The following KIAA1217 variants were observed in gnomAD, a reference collection of about 807,000 sequenced individuals.
KIAA1217 encodes sickle tail protein homolog.
KIAA1217 carries 88 observed loss-of-function variants against 163.9 expected under a neutral mutation model. The observed-to-expected ratio is 0.54, with a 90% CI of 0.45 to 0.64. KIAA1217 has a LOEUF of 0.64. Among genes scored for constraint, KIAA1217 ranks in the 30% least tolerant of loss-of-function variants. KIAA1217 has a pLI of 0.00. For synonymous variants in KIAA1217, 903 were observed against 923.1 expected (o/e 0.98, Z 0.39); for missense variants, 2,372 against 2,475.0 (o/e 0.96, Z 0.88).
intron 1 of KIAA1217, among the ~76,000 whole-genome samples, chr10:23,721,107 C>T (rs79434031): frequency 0.027 from 4,094 of 152,252 alleles, 91 homozygotes; most frequent in Admixed American, 0.075. Context: ...TTTTAGAATA[C>T]GACATGTGAG....
intron 6 of KIAA1217, among the ~76,000 whole-genome samples, chr10:24,483,327 G>A (rs868537057): frequency 6.6e-6 from 1 of 152,132 alleles, no homozygotes; most frequent in Non-Finnish European, 1.5e-5. Context: ...ACTTGCTACA[G>A]TGGTCTCCCA....
chr10:24,466,603 G>A (rs2062971771), intron 5 of KIAA1217: 1 of 985,268 alleles, frequency 1.0e-6, no homozygotes, highest in Non-Finnish European at 1.2e-6. Context: ...CACTCGAGCT[G>A]AGAAACATTT....
intron 2 of KIAA1217, among the ~76,000 whole-genome samples, chr10:24,135,405 G>C (rs557840161): frequency 6.6e-6 from 1 of 151,950 alleles, no homozygotes; most frequent in Non-Finnish European, 1.5e-5. Context: ...TGCCAGTTCC[G>C]TCTCTGCTTG....
intron 1 of KIAA1217, among the ~76,000 whole-genome samples, chr10:23,760,627 A>T (rs1834211083): frequency 6.6e-6 from 1 of 152,204 alleles, no homozygotes; most frequent in African/African-American, 2.4e-5. Flanking sequence ...GAATGATTTT[A>T]AAAATGAATC....
In KIAA1217 at chr10:24,211,361, C is replaced by CTCTT. The variant is rs1375635189; in HGVS notation, c.70+2099_70+2100insCTTT. Among the ~76,000 whole-genome samples, 16 of 60,200 alleles carry CTCTT rather than the reference C, an allele frequency of 2.7e-4. 1 individual carries two copies. Among genetic ancestry groups the CTCTT allele is most frequent in the African/African-American group, 1.0e-3 (16 of 15,334 alleles). The allele number at this position is 60,200 out of a possible 152,430, so 39.5% of individuals were successfully genotyped here. On this transcript the variant is annotated intron_variant, in intron 1 of 20. Coordinates refer to ENST00000376454, the MANE Select transcript of KIAA1217 (RefSeq NM_019590.5). Reference sequence around the variant, plus strand: ...GGGAATCTCCTGGCAGGTGGGACTACTTTTTTTTTTTTTTTTTTTTTTTTT... The same window carrying CTCTT: ...GGGAATCTCCTGGCAGGTGGGACTACTCTTTTTTTTTTTTTTTTTTTTTTTTTTT...
intron 2 of KIAA1217, among the ~76,000 whole-genome samples, chr10:24,378,993 A>T (rs1346181397): frequency 6.6e-6 from 1 of 152,244 alleles, no homozygotes; most frequent in South Asian, 2.1e-4. Context: ...GCAATGGAAA[A>T]TGACAACTCA....
chr10:24,094,504 C>G (rs1032493488), intron 2 of KIAA1217, among the ~76,000 whole-genome samples: 2 of 152,192 alleles, frequency 1.3e-5, no homozygotes, highest in Non-Finnish European at 2.9e-5. Flanking sequence ...CACTCCAGAC[C>G]CTGTTTGCCT....
chr10:24,219,894 G>A lies in KIAA1217; in HGVS notation c.339G>A (p.Glu113=), dbSNP rs2069339420. ...HHASAIMGHQ[E]RLRDQTRSPK... ...CCTCTGCAATCATGGGTCACCAAGA[G>A]AGGCTGAGAGACCAGGTACGAATAT... Residue 113 remains glutamate, a synonymous_variant, in exon 2 of 21, where the codon GAG becomes GAA. Transcript: ENST00000376454. 6.2e-7 allele frequency: 1 copy of A among 1,601,010 alleles called. No homozygotes were observed. Among genetic ancestry groups the A allele is most frequent in the Non-Finnish European group, 8.5e-7 (1 of 1,173,306 alleles).
intron 1 of KIAA1217, among the ~76,000 whole-genome samples, chr10:23,812,511 A>G (rs1323392013): frequency 6.6e-6 from 1 of 152,200 alleles, no homozygotes; most frequent in Admixed American, 6.5e-5. Context: ...TAAAAAAGCT[A>G]GCTCTATTGA....
chr10:23,909,654 T>C (rs1842345635), intron 1 of KIAA1217, among the ~76,000 whole-genome samples: 1 of 152,170 alleles, frequency 6.6e-6, no homozygotes, highest in Non-Finnish European at 1.5e-5. Context: ...TAGTATTCCA[T>C]GGTGTATATG....
At chr10:23,910,301 A>AAAAAG (rs770271682) in intron 1 of KIAA1217, among the ~76,000 whole-genome samples, 1 of 152,132 alleles carries the variant, frequency 6.6e-6, no homozygotes, top group Admixed American at 6.5e-5. Flanking sequence ...AGTATAAAAA[A>AAAAAG]AAAAGAAAAG....
chr10:24,423,548 C>T (rs1469465614), intron 3 of KIAA1217, among the ~76,000 whole-genome samples: 1 of 152,174 alleles, frequency 6.6e-6, no homozygotes, highest in Non-Finnish European at 1.5e-5. Flanking sequence ...CAACCTCTGC[C>T]TCCCAGGTTC....
rs71397953 is a variant in KIAA1217, at chr10:24,501,729, C to CTTTTTTTTT, written c.2001+213_2001+221dup. ...AACTATAGTCAATCTATAACCACTT[C>CTTTTTTTTT]TTTTTTTTTTTTTTTTTTTTTTTTT... is the stretch of plus-strand genomic sequence containing the variant. On this transcript the variant is annotated intron_variant, in intron 9 of 20. Coordinates refer to ENST00000376454, the MANE Select transcript of KIAA1217 (RefSeq NM_019590.5). 5.8e-4 allele frequency among the ~76,000 whole-genome samples: 30 copies of CTTTTTTTTT among 51,506 alleles called. 6 individuals are homozygous for CTTTTTTTTT. The highest frequency in any genetic ancestry group is 8.8e-4 in the Non-Finnish European group (25 of 28,360). 33.8% of individuals were successfully genotyped at this position (51,506 alleles called of 152,430 possible).
At chr10:24,337,151 A>G (rs1290723732) in intron 2 of KIAA1217, among the ~76,000 whole-genome samples, 1 of 152,248 alleles carries the variant, frequency 6.6e-6, no homozygotes, top group Non-Finnish European at 1.5e-5. Context: ...AAATATTTGC[A>G]AATCGTACAC....
intron 2 of KIAA1217, among the ~76,000 whole-genome samples, chr10:24,151,075 T>C (rs1202619268): frequency 1.3e-5 from 2 of 152,012 alleles, no homozygotes; most frequent in African/African-American, 4.8e-5. Context: ...AGAGGCCAGG[T>C]GTGCTAGGAG....
chr10:24,528,728 C>T (rs1469049372), intron 14 of KIAA1217, among the ~76,000 whole-genome samples: 1 of 151,676 alleles, frequency 6.6e-6, no homozygotes. Context: ...ATAGTGTTTG[C>T]GTTTTCTATG....
chr10:24,443,165 C>T (rs1354878925), intron 5 of KIAA1217, among the ~76,000 whole-genome samples: 1 of 152,136 alleles, frequency 6.6e-6, no homozygotes, highest in Non-Finnish European at 1.5e-5. Context: ...CCTGCCTCAG[C>T]CTCTCAAATT....
intron 3 of KIAA1217, among the ~76,000 whole-genome samples, chr10:24,420,810 T>C (rs2058670447): frequency 6.6e-6 from 1 of 152,168 alleles, no homozygotes; most frequent in African/African-American, 2.4e-5. Context: ...ACCTCTTCTG[T>C]CATATATCAA....
intron 1 of KIAA1217, among the ~76,000 whole-genome samples, chr10:23,854,740 G>A (rs1300730868): frequency 1.3e-5 from 2 of 152,134 alleles, no homozygotes; most frequent in African/African-American, 2.4e-5. Context: ...AGCTCTTCTT[G>A]TTGAATTGGT....
Sources: gnomAD v4.1 joint callset for allele counts (sites outside exome capture counted in the v4.1 genomes callset) on GRCh38, gnomAD v4.1.1 for gene constraint, MANE v1.5 for transcripts, NCBI Gene and HGNC (gene_info 2026-07-23, HGNC 2026-07-21) for gene names.